Variants in ATP8A2 observed in about 807,000 individuals in gnomAD.
ATP8A2 encodes phospholipid-transporting ATPase IB.
A neutral mutation model predicts 165.6 loss-of-function variants in ATP8A2; 100 were observed. That is an observed-to-expected ratio of 0.60 (90% CI 0.51 to 0.71). The LOEUF is 0.71. ATP8A2 is among the 30% of genes least tolerant of loss of function. ATP8A2 has a pLI of 0.00. For synonymous variants in ATP8A2, 543 were observed against 548.8 expected (o/e 0.99, Z 0.15); for missense variants, 1,227 against 1,479.5 (o/e 0.83, Z 2.80).
intron 1 of ATP8A2, among the ~76,000 whole-genome samples, chr13:25,443,543 G>A (rs903980180): frequency 2.6e-5 from 4 of 152,278 alleles, no homozygotes; most frequent in South Asian, 2.1e-4. Flanking sequence ...AAATAGAAAT[G>A]CAATTTTAAA....
chr13:25,893,986 C>G (rs964480953), intron 33 of ATP8A2, among the ~76,000 whole-genome samples: 1 of 152,168 alleles, frequency 6.6e-6, no homozygotes, highest in African/African-American at 2.4e-5. Flanking sequence ...TGTAGGATGC[C>G]TGTTCACTCT....
At chr13:25,946,518 G>T (rs1352950330) in intron 33 of ATP8A2, among the ~76,000 whole-genome samples, 1 of 152,112 alleles carries the variant, frequency 6.6e-6, no homozygotes, top group Admixed American at 6.6e-5. Context: ...GATGTCCTCT[G>T]CAAGCTGATA....
chr13:25,832,611 C>G (rs1215534422), intron 28 of ATP8A2, among the ~76,000 whole-genome samples: 1 of 152,132 alleles, frequency 6.6e-6, no homozygotes, highest in Non-Finnish European at 1.5e-5. Flanking sequence ...ATCCCATCAG[C>G]AGATGCTACA....
At chr13:25,375,685 G>C (rs1439625145) in intron 1 of ATP8A2, among the ~76,000 whole-genome samples, 1 of 151,720 alleles carries the variant, frequency 6.6e-6, no homozygotes, top group Non-Finnish European at 1.5e-5. Context: ...CAATTCTGCT[G>C]CCTCAGCCTC....
chr13:25,394,736 C>T (rs900325561), intron 1 of ATP8A2, among the ~76,000 whole-genome samples: 3 of 152,218 alleles, frequency 2.0e-5, no homozygotes, highest in Non-Finnish European at 2.9e-5. Flanking sequence ...TGTCCTTCCC[C>T]TATCTGGCTA....
At chr13:25,514,081 T>C (rs1344176983) in intron 2 of ATP8A2, among the ~76,000 whole-genome samples, 1 of 152,136 alleles carries the variant, frequency 6.6e-6, no homozygotes, top group Non-Finnish European at 1.5e-5. Flanking sequence ...GTCTCTTTTA[T>C]TTTGCATCTT....
At chr13:25,418,508 A>T (rs1242535944) in intron 1 of ATP8A2, among the ~76,000 whole-genome samples, 1 of 152,154 alleles carries the variant, frequency 6.6e-6, no homozygotes, top group Admixed American at 6.5e-5. Context: ...TAACTCTCAT[A>T]GACATAGCGT....
chr13:25,818,683 T>C (rs1254808474), intron 27 of ATP8A2, among the ~76,000 whole-genome samples: 1 of 152,206 alleles, frequency 6.6e-6, no homozygotes, highest in Non-Finnish European at 1.5e-5. Context: ...AAATGACTGT[T>C]CTGCAGTGTG....
intron 33 of ATP8A2, among the ~76,000 whole-genome samples, chr13:25,959,368 A>G (rs1344357233): frequency 6.6e-6 from 1 of 152,244 alleles, no homozygotes; most frequent in Non-Finnish European, 1.5e-5. Flanking sequence ...GCATGTAAGC[A>G]TGCCCACACT....
chr13:25,607,626 C>A (rs1186528170), intron 24 of ATP8A2, among the ~76,000 whole-genome samples: 1 of 152,168 alleles, frequency 6.6e-6, no homozygotes, highest in African/African-American at 2.4e-5. Context: ...TGACCCCCTG[C>A]CCTGTGTAAT....
chr13:25,839,454 C>G (rs929648450), intron 29 of ATP8A2, 92 bp from the exon 30 acceptor site: 6 of 880,450 alleles, frequency 6.8e-6, no homozygotes, highest in Non-Finnish European at 1.2e-5. Context: ...AGCGCACGGC[C>G]AGGATCCTTC....
intron 30 of ATP8A2, among the ~76,000 whole-genome samples, chr13:25,857,570 C>CTTTTTTTTTTTTTTTT (rs71080207): frequency 1.1e-5 from 1 of 91,582 alleles, no homozygotes. Context: ...CTTTTTTTTC[C>CTTTTTTTTTTTTTTTT]TTTTTTTTTT....
chr13:25,745,085 C>T lies in ATP8A2; in HGVS notation c.2385-23961C>T, dbSNP rs1397275018. On this transcript the variant is annotated intron_variant, in intron 25 of 36. Coordinates refer to ENST00000381655, the MANE Select transcript of ATP8A2 (RefSeq NM_016529.6). Reference sequence around the variant, plus strand: ...CCTCCCGAGTAGCTGGGACTACAGGCGCCTGCCACCACGCCCAGCTAATTT... The same window carrying T: ...CCTCCCGAGTAGCTGGGACTACAGGTGCCTGCCACCACGCCCAGCTAATTT... 4.6e-5 allele frequency among the ~76,000 whole-genome samples: 7 copies of T among 152,182 alleles called. No individual in the cohort carries two copies. In the East Asian group the frequency reaches 1.2e-3, roughly 25 times the overall value.
chr13:25,930,164 C>G (rs1377718024), intron 33 of ATP8A2, among the ~76,000 whole-genome samples: 1 of 152,118 alleles, frequency 6.6e-6, no homozygotes, highest in East Asian at 1.9e-4. Context: ...TCTCCTCTCC[C>G]TCCACGCTGA....
At chr13:25,972,630 G>A (rs1013754013) in intron 35 of ATP8A2, among the ~76,000 whole-genome samples, 1 of 152,230 alleles carries the variant, frequency 6.6e-6, no homozygotes, top group East Asian at 1.9e-4. Flanking sequence ...CCCCCGCACC[G>A]CACATGAAAT....
intron 33 of ATP8A2, among the ~76,000 whole-genome samples, chr13:25,875,889 A>G (rs9511965): frequency 0.12 from 18,088 of 152,276 alleles, 1,456 homozygotes; most frequent in Non-Finnish European, 0.18. Flanking sequence ...TACTACGCTA[A>G]TCATTCTCCG....
intron 1 of ATP8A2, 60 bp from the exon 2 acceptor site, chr13:25,468,917 C>T: frequency 6.3e-7 from 1 of 1,583,846 alleles, no homozygotes; most frequent in Non-Finnish European, 8.6e-7. Context: ...CGCTCGCAGC[C>T]TCCCGCCTGG....
At chr13:25,696,537 C>T (rs566639839) in intron 24 of ATP8A2, among the ~76,000 whole-genome samples, 4 of 152,226 alleles carry the variant, frequency 2.6e-5, no homozygotes, top group East Asian at 1.9e-4. Context: ...GCAGCTTCCT[C>T]GTCAGCGCTT....
intron 30 of ATP8A2, among the ~76,000 whole-genome samples, chr13:25,858,037 A>G (rs1194005017): frequency 1.3e-5 from 2 of 152,164 alleles, no homozygotes; most frequent in Non-Finnish European, 2.9e-5. Flanking sequence ...GTAAGTAAAT[A>G]TTTGTTGAGT....
Sources: gnomAD v4.1 joint callset for allele counts (sites outside exome capture counted in the v4.1 genomes callset) on GRCh38, gnomAD v4.1.1 for gene constraint, MANE v1.5 for transcripts, NCBI Gene and HGNC (gene_info 2026-07-23, HGNC 2026-07-21) for gene names.